Variants in SYNCRIP observed in about 807,000 individuals in gnomAD.
SYNCRIP encodes the protein synaptotagmin binding cytoplasmic RNA interacting protein, also known as heterogeneous nuclear ribonucleoprotein Q.
SYNCRIP carries 9 observed loss-of-function variants against 68.9 expected under a neutral mutation model. That is an observed-to-expected ratio of 0.13 (90% CI 0.08 to 0.23). The LOEUF is 0.23. Ranked by LOEUF, SYNCRIP falls within the 10% of genes least tolerant of loss-of-function variation. The probability of loss-of-function intolerance (pLI) is 1.00; values close to 1 mark genes in which losing one functional copy is unlikely to be tolerated. For missense variants in SYNCRIP, 414 were observed against 770.6 expected (o/e 0.54, Z 5.48); for synonymous variants, 258 against 254.0 (o/e 1.02, Z -0.15).
Position 85,619,312 on chromosome 6 carries a change from C to T in SYNCRIP, c.1114G>A (p.Asp372Asn). ...GKLERVKKLK[D>N]YAFIHFDERD... ...TCATCAAAATGAATGAACGCATAAT[C>T]TTTTAACTTCTTCACTCGTTCCAGT... Residue 372 changes from aspartate (D) to asparagine (N), a missense_variant, in exon 9 of 11, where the codon GAT becomes AAT. By Grantham distance (23) the Asp-to-Asn change is conservative. Transcript: ENST00000369622. 1 of 1,613,974 alleles carries T rather than the reference C, an allele frequency of 6.2e-7. No homozygotes were observed. Among genetic ancestry groups the T allele is most frequent in the Non-Finnish European group, 8.5e-7 (1 of 1,179,982 alleles).
chr6:85,621,090 C>T (rs531536299), intron 8 of SYNCRIP, among the ~76,000 whole-genome samples: 23 of 152,352 alleles, frequency 1.5e-4, no homozygotes, highest in Admixed American at 4.6e-4. Flanking sequence ...AACATTATCA[C>T]TTCCTCCTAA....
At chr6:85,625,476 C>G (rs1806932043) in intron 6 of SYNCRIP, among the ~76,000 whole-genome samples, 1 of 151,914 alleles carries the variant, frequency 6.6e-6, no homozygotes, top group Admixed American at 6.6e-5. Flanking sequence ...CAACCTCCGC[C>G]TCCTGGGTTC....
At position 85,618,810 on chromosome 6, in the gene SYNCRIP, T is replaced by C. The variant is rs748955527; in HGVS notation, c.1280+8A>G. On this transcript the variant is annotated splice_region_variant and intron_variant, in intron 10 of 10. Coordinates refer to ENST00000369622, the MANE Select transcript of SYNCRIP (RefSeq NM_006372.5). The stretch of plus-strand genomic sequence containing the variant: ...TATACAATTTTTAAGTATACAAATT[T>C]CACTCACATTTGATTTTTTGCTGCT... 1 of 1,588,320 alleles carries C rather than the reference T, an allele frequency of 6.3e-7. No homozygotes were observed. Among genetic ancestry groups the C allele is most frequent in the Non-Finnish European group, 8.6e-7 (1 of 1,166,140 alleles).
At chr6:85,627,694 A>G (rs1807218846) in intron 6 of SYNCRIP, among the ~76,000 whole-genome samples, 1 of 152,204 alleles carries the variant, frequency 6.6e-6, no homozygotes, top group Non-Finnish European at 1.5e-5. Context: ...GAGCACACAC[A>G]CACAAAAAGT....
upstream of SYNCRIP, chr6:85,643,013 T>TCCCTTCCCTCCCCTC (rs1809399999): frequency 2.5e-5 from 3 of 118,364 alleles, no homozygotes; most frequent in African/African-American, 9.6e-5. Context: ...TCCCTTCCCT[T>TCCCTTCCCTCCCCTC]CCCTTCCCTC....
chr6:85,634,776 T>C (rs1018503871), intron 6 of SYNCRIP, among the ~76,000 whole-genome samples: 17 of 152,180 alleles, frequency 1.1e-4, no homozygotes, highest in African/African-American at 4.1e-4. Context: ...TCTACTCTTT[T>C]ATAGGAGATT....
chr6:85,629,191 T>C (rs922757277), intron 6 of SYNCRIP, among the ~76,000 whole-genome samples: 26 of 152,122 alleles, frequency 1.7e-4, no homozygotes, highest in Admixed American at 1.6e-3. Flanking sequence ...ATTCACCTTT[T>C]TTCTTCACTG....
chr6:85,624,142 T>A, intron 6 of SYNCRIP, 30 bp from the exon 7 acceptor site: 1 of 1,594,854 alleles, frequency 6.3e-7, no homozygotes, highest in Middle Eastern at 1.7e-4. Flanking sequence ...ATCATGTTTT[T>A]AAATTACTTA....
At chr6:85,633,403 CA>C (rs1808060997) in intron 6 of SYNCRIP, among the ~76,000 whole-genome samples, 1 of 152,118 alleles carries the variant, frequency 6.6e-6, no homozygotes, top group Non-Finnish European at 1.5e-5. Context: ...CCAGCCTGGC[CA>C]ACAGGGTGAA....
At chr6:85,628,761 T>C (rs1309869390) in intron 6 of SYNCRIP, among the ~76,000 whole-genome samples, 2 of 152,214 alleles carry the variant, frequency 1.3e-5, no homozygotes, top group East Asian at 3.8e-4. Flanking sequence ...CTTTAGTCAA[T>C]TCCATCTTGG....
At chr6:85,634,691 TATG>T (rs1360388647) in intron 6 of SYNCRIP, among the ~76,000 whole-genome samples, 1 of 152,236 alleles carries the variant, frequency 6.6e-6, no homozygotes, top group African/African-American at 2.4e-5. Flanking sequence ...TTTCTGTAGT[TATG>T]ATACCTCATT....
chr6:85,623,583 A>AAAAAAAAAAAAAAAAAC (rs1562087872), intron 7 of SYNCRIP, among the ~76,000 whole-genome samples: 1 of 143,892 alleles, frequency 6.9e-6, no homozygotes, highest in African/African-American at 2.5e-5. Flanking sequence ...AAAAAAAAAA[A>AAAAAAAAAAAAAAAAAC]CACTCTGCTA....
At chr6:85,623,571 A>AAAAAAAAAAAAAAAAC (rs1562087648) in intron 7 of SYNCRIP, among the ~76,000 whole-genome samples, 10 of 147,860 alleles carry the variant, frequency 6.8e-5, no homozygotes, top group African/African-American at 2.6e-4. Flanking sequence ...CCAAAAAAAA[A>AAAAAAAAAAAAAAAAC]AAAAAAAAAA....
chr6:85,611,661 A>C (rs1805255755), downstream of SYNCRIP: 1 of 152,372 alleles, frequency 6.6e-6, no homozygotes, highest in Non-Finnish European at 1.5e-5. Context: ...CTGGACACTC[A>C]CTGTCATCAA....
intron 10 of SYNCRIP, among the ~76,000 whole-genome samples, chr6:85,616,618 G>A (rs1216598799): frequency 6.6e-6 from 1 of 152,150 alleles, no homozygotes; most frequent in East Asian, 1.9e-4. Flanking sequence ...AAAGTGGTGG[G>A]ATTACAGGCA....
intron 6 of SYNCRIP, among the ~76,000 whole-genome samples, chr6:85,635,596 CCT>C (rs1012051247): frequency 1.3e-5 from 2 of 151,776 alleles, no homozygotes; most frequent in African/African-American, 4.8e-5. Flanking sequence ...ATGGTGAAAC[CCT>C]GTCTCTACTA....
upstream of SYNCRIP, chr6:85,643,207 T>G (rs994364376): frequency 6.6e-6 from 1 of 150,630 alleles, no homozygotes; most frequent in Non-Finnish European, 1.5e-5. Flanking sequence ...CAGGCACGAG[T>G]GGCCGCCTTT....
intron 10 of SYNCRIP, among the ~76,000 whole-genome samples, chr6:85,618,077 G>T (rs1426770822): frequency 6.6e-6 from 1 of 152,080 alleles, no homozygotes; most frequent in East Asian, 1.9e-4. Context: ...GAAATTTTTG[G>T]GGTGGCAATG....
intron 1 of SYNCRIP, among the ~76,000 whole-genome samples, 185 bp from the exon 2 acceptor site, chr6:85,641,636 G>A (rs1809170170): frequency 6.6e-6 from 1 of 152,108 alleles, no homozygotes; most frequent in Non-Finnish European, 1.5e-5. Context: ...CAGAAGGACC[G>A]ATTCACCATA....
Sources: gnomAD v4.1 joint callset for allele counts (sites outside exome capture counted in the v4.1 genomes callset) on GRCh38, gnomAD v4.1.1 for gene constraint, MANE v1.5 for transcripts, NCBI Gene and HGNC (gene_info 2026-07-23, HGNC 2026-07-21) for gene names.